Variants in FOXP1 observed in about 807,000 individuals in gnomAD.
FOXP1 encodes forkhead box P1, also known as forkhead box protein P1.
In FOXP1, 15 loss-of-function variants were observed where a neutral mutation model predicts 98.2. The observed-to-expected ratio is 0.15, with a 90% CI of 0.10 to 0.24. The LOEUF (loss-of-function observed/expected upper bound fraction) is 0.24, where lower values mean the gene tolerates loss of function less well. Among genes scored for constraint, FOXP1 ranks in the 10% least tolerant of loss-of-function variants. FOXP1 has a pLI of 1.00. For missense variants in FOXP1, 633 were observed against 848.5 expected, an observed-to-expected ratio of 0.75 and a Z score of 3.15; for synonymous variants, 371 against 314.5, an observed-to-expected ratio of 1.18 and a Z score of -1.90.
intron 5 of FOXP1, among the ~76,000 whole-genome samples, chr3:71,200,758 A>C (rs2063621958): frequency 6.6e-6 from 1 of 152,228 alleles, no homozygotes; most frequent in African/African-American, 2.4e-5. Context: ...CCATACATGA[A>C]ATGTGACAAC....
chr3:71,402,945 C>T (rs571603149), intron 3 of FOXP1, among the ~76,000 whole-genome samples: 13 of 152,206 alleles, frequency 8.5e-5, no homozygotes, highest in Admixed American at 4.6e-4. Flanking sequence ...CAATCCACTC[C>T]CTGCCAAGTG....
intron 7 of FOXP1, among the ~76,000 whole-genome samples, chr3:71,105,850 T>C (rs1290257799): frequency 1.3e-5 from 2 of 152,208 alleles, no homozygotes; most frequent in Non-Finnish European, 2.9e-5. Context: ...TCCTCTTAAT[T>C]GAAATCCAGA....
rs2032438198 is a variant in FOXP1 at position 70,958,650 on chromosome 3, A to G, written c.*597T>C. The G allele has an allele frequency of 4.8e-6, 1 of 209,784 alleles. No homozygotes were observed. The highest frequency in any genetic ancestry group is 9.3e-6 in the Non-Finnish European group (1 of 107,172). 13.0% of individuals were successfully genotyped at this position (209,784 alleles called of 1,614,324 possible). A position where few individuals can be genotyped will look rare whatever the true frequency, so the allele number is the denominator to read the frequency against. ...TAGAAGGAAAAAAAAAAAAAAAAAAAGCAATACATTAAAAAGTTTGGGATA... is the reference window on the plus strand; with the variant it reads ...TAGAAGGAAAAAAAAAAAAAAAAAAGGCAATACATTAAAAAGTTTGGGATA... On this transcript the variant is annotated 3_prime_UTR_variant, in exon 21 of 21. Transcript: ENST00000649528.
chr3:71,411,025 C>T (rs969736384), intron 3 of FOXP1, among the ~76,000 whole-genome samples: 55 of 152,196 alleles, frequency 3.6e-4, no homozygotes, highest in African/African-American at 1.2e-3. Flanking sequence ...TCTTTAGGAA[C>T]TCCAATGTTA....
intron 1 of FOXP1, chr3:71,582,497 G>A: frequency 1.0e-6 from 1 of 985,472 alleles, no homozygotes. Context: ...CTGCGCGCAA[G>A]CGAGGGACGG....
chr3:71,482,886 G>A (rs1392522489), intron 3 of FOXP1, among the ~76,000 whole-genome samples: 1 of 150,972 alleles, frequency 6.6e-6, no homozygotes. Flanking sequence ...GCTTGATGCA[G>A]TGTAGTGGCA....
intron 14 of FOXP1, among the ~76,000 whole-genome samples, chr3:70,984,158 G>A (rs1027616226): frequency 1.3e-5 from 2 of 152,188 alleles, no homozygotes; most frequent in African/African-American, 4.8e-5. Context: ...GCTTAGGGCT[G>A]CTCTGGTCAA....
chr3:71,141,034 C>A (rs554544456), intron 6 of FOXP1, among the ~76,000 whole-genome samples: 4 of 151,868 alleles, frequency 2.6e-5, no homozygotes, highest in African/African-American at 7.2e-5. Context: ...TCTGGGAGGC[C>A]AAGGTGGGTG....
intron 5 of FOXP1, among the ~76,000 whole-genome samples, chr3:71,291,906 C>G (rs1169776359): frequency 6.6e-6 from 1 of 151,780 alleles, no homozygotes; most frequent in Non-Finnish European, 1.5e-5. Context: ...GGGGTTTCAC[C>G]ATGTTGGCCA....
At chr3:71,005,346 AATC>A (rs1158306553) in intron 12 of FOXP1, among the ~76,000 whole-genome samples, 1 of 142,612 alleles carries the variant, frequency 7.0e-6, no homozygotes, top group African/African-American at 2.5e-5. Context: ...AAAAAACCAG[AATC>A]ATAAGGAGTG....
At position 70,958,741 on chromosome 3, in the gene FOXP1, A is replaced by C; in HGVS notation, c.*506T>G. ...CTTCCCCATCCCAACTGGAAGCAAA[A>C]AAAAAAAAAAAAAAAAAAAAAAAAA... On this transcript the variant is annotated 3_prime_UTR_variant, in exon 21 of 21. Coordinates refer to ENST00000649528, the MANE Select transcript of FOXP1 (RefSeq NM_001349338.3). 1 of 145,496 alleles carries C rather than the reference A, an allele frequency of 6.9e-6. No homozygotes were observed. Among genetic ancestry groups the C allele is most frequent in the East Asian group, 1.6e-4 (1 of 6,242 alleles). 9.0% of individuals were successfully genotyped at this position (145,496 alleles called of 1,614,324 possible). A position where few individuals can be genotyped will look rare whatever the true frequency, so the allele number is the denominator to read the frequency against.
intron 2 of FOXP1, among the ~76,000 whole-genome samples, chr3:71,561,023 A>G (rs1260131566): frequency 6.6e-6 from 1 of 152,156 alleles, no homozygotes; most frequent in Non-Finnish European, 1.5e-5. Context: ...AACTATGTGA[A>G]TATACTAAAA....
chr3:71,032,412 C>T (rs2046996032), intron 11 of FOXP1, among the ~76,000 whole-genome samples: 1 of 152,202 alleles, frequency 6.6e-6, no homozygotes, highest in Admixed American at 6.5e-5. Context: ...CCCAAAGGAA[C>T]GGTTATCTTC....
chr3:71,162,193 G>C (rs1440619512), intron 6 of FOXP1, among the ~76,000 whole-genome samples: 6 of 152,178 alleles, frequency 3.9e-5, no homozygotes, highest in Non-Finnish European at 7.3e-5. Flanking sequence ...TGAACAGGTA[G>C]CTCCTCTGAA....
At chr3:71,028,784 A>T (rs978118375) in intron 11 of FOXP1, among the ~76,000 whole-genome samples, 1 of 152,198 alleles carries the variant, frequency 6.6e-6, no homozygotes. Context: ...CCCCGAGCTT[A>T]TTTTCCTACA....
At chr3:71,468,567 A>G (rs1228437596) in intron 3 of FOXP1, among the ~76,000 whole-genome samples, 1 of 151,570 alleles carries the variant, frequency 6.6e-6, no homozygotes, top group African/African-American at 2.4e-5. Context: ...ACTCCCACCC[A>G]CCCCCAAACC....
intron 6 of FOXP1, among the ~76,000 whole-genome samples, chr3:71,182,593 G>A (rs9310211): frequency 0.47 from 68,757 of 146,686 alleles, 16,799 homozygotes; most frequent in African/African-American, 0.61. Flanking sequence ...GCTGTCACCA[G>A]TCATGGCTCA....
chr3:71,341,607 G>C (rs1242697042), intron 4 of FOXP1, among the ~76,000 whole-genome samples: 2 of 152,226 alleles, frequency 1.3e-5, no homozygotes, highest in Admixed American at 6.5e-5. Context: ...GCTGAAGCAG[G>C]AGAATCACTT....
chr3:71,508,031 C>T (rs1303708560), intron 2 of FOXP1, among the ~76,000 whole-genome samples: 1 of 152,226 alleles, frequency 6.6e-6, no homozygotes, highest in Non-Finnish European at 1.5e-5. Context: ...AATAAAATAA[C>T]TTGTCCAAAT....
Sources: gnomAD v4.1 joint callset for allele counts (sites outside exome capture counted in the v4.1 genomes callset) on GRCh38, gnomAD v4.1.1 for gene constraint, MANE v1.5 for transcripts, NCBI Gene and HGNC (gene_info 2026-07-23, HGNC 2026-07-21) for gene names.